PCDHGB1: variants seen among roughly 807,000 people sequenced by gnomAD.
PCDHGB1 encodes protocadherin gamma-B1.
A neutral mutation model predicts 56.6 loss-of-function variants in PCDHGB1; 34 were observed. The ratio of observed to expected loss-of-function variants is 0.60; its 90% CI spans 0.46 to 0.80. PCDHGB1 has a LOEUF of 0.80. PCDHGB1 is among the 30% of genes least tolerant of loss of function. PCDHGB1 has a pLI of 0.00. For synonymous variants in PCDHGB1, 561 were observed against 505.9 expected, an observed-to-expected ratio of 1.11 and a Z score of -1.46; for missense variants, 1,278 against 1,204.6, an observed-to-expected ratio of 1.06 and a Z score of -0.90.
chr5:141,371,918 C>T, intron 1 of PCDHGB1: 1 of 1,613,372 alleles, frequency 6.2e-7, no homozygotes, highest in African/African-American at 1.3e-5. Flanking sequence ...TGTCCGTGAG[C>T]GCGCGGAGCG....
At chr5:141,394,071 A>G (rs953618981) in intron 1 of PCDHGB1, 1 of 1,613,908 alleles carries the variant, frequency 6.2e-7, no homozygotes, top group Non-Finnish European at 8.5e-7. Context: ...TATCTACAAT[A>G]TCACAGTGAT....
At position 141,383,035 on chromosome 5, in the gene PCDHGB1, G is replaced by A. The variant is rs550075608; in HGVS notation, c.2409+30366G>A. ...GGAGACGGACAAAGGGTCCTTTGTG[G>A]GAGACATCGCCAAGGACCTGGGGCT... On this transcript the variant is annotated intron_variant, in intron 1 of 3. Coordinates refer to ENST00000523390, the MANE Select transcript of PCDHGB1 (RefSeq NM_018922.3). 3.1e-6 allele frequency: 5 copies of A among 1,613,882 alleles called. No individual in the cohort carries two copies. In the South Asian group the frequency reaches 5.5e-5, roughly 18 times the overall value.
rs561817609 is a variant in PCDHGB1, at chr5:141,496,904, G to A, written c.2468+2039G>A. Among the ~76,000 whole-genome samples, 12 of 137,476 alleles carry A rather than the reference G, an allele frequency of 8.7e-5. 1 individual carries two copies. The South Asian group carries it at 2.0e-3, about 23-fold the overall frequency. The allele number at this position is 137,476 out of a possible 152,430, so 90.2% of individuals were successfully genotyped here. On this transcript the variant is annotated intron_variant, in intron 2 of 3. Transcript: ENST00000523390. ...AGTAACACTTAAAAAAAAAAAAAAA[G>A]GCTGGGCACTGTGGTTCACGCCTGT...
intron 1 of PCDHGB1, chr5:141,378,136 CATT>C (rs1561579952): frequency 6.6e-6 from 1 of 152,158 alleles, no homozygotes; most frequent in Non-Finnish European, 1.5e-5. Context: ...TTGACATCAC[CATT>C]ATTATAATTA....
intron 1 of PCDHGB1, chr5:141,478,776 A>T: frequency 1.3e-6 from 2 of 1,488,808 alleles, no homozygotes; most frequent in Non-Finnish European, 1.8e-6. Context: ...TCATCTGTGG[A>T]CCTAATTCAC....
rs879045129 is a variant in PCDHGB1, at chr5:141,366,878, A to T, written c.2409+14209A>T. 2.5e-5 allele frequency: 33 copies of T among 1,341,426 alleles called. No homozygotes were observed. The South Asian group carries it at 4.2e-4, about 17-fold the overall frequency. The allele number at this position is 1,341,426 out of a possible 1,614,324, so 83.1% of individuals were successfully genotyped here. On this transcript the variant is annotated intron_variant, in intron 1 of 3. Transcript: ENST00000523390. Reference sequence around the variant, plus strand: ...ACATTATTTGCTGTATTGGAGATTAATTTTTTTTATATAATTCATGCTTTC... The same window carrying T: ...ACATTATTTGCTGTATTGGAGATTATTTTTTTTTATATAATTCATGCTTTC...
At chr5:141,467,987 A>G (rs888811899) in intron 1 of PCDHGB1, among the ~76,000 whole-genome samples, 10 of 152,216 alleles carry the variant, frequency 6.6e-5, no homozygotes, top group Non-Finnish European at 8.8e-5. Flanking sequence ...TCAGAAAACC[A>G]CAATTCTTTC....
At chr5:141,395,194 C>G in intron 1 of PCDHGB1, 1 of 1,613,922 alleles carries the variant, frequency 6.2e-7, no homozygotes, top group Non-Finnish European at 8.5e-7. Flanking sequence ...TTGTTAACAT[C>G]CGTAGATTTT....
chr5:141,422,916 C>T, intron 1 of PCDHGB1: 1 of 1,614,260 alleles, frequency 6.2e-7, no homozygotes, highest in Non-Finnish European at 8.5e-7. Context: ...CGCCCGAGAT[C>T]CTGTACCCTG....
At chr5:141,414,231 C>T (rs2095722548) in intron 1 of PCDHGB1, 1 of 1,613,304 alleles carries the variant, frequency 6.2e-7, no homozygotes, top group South Asian at 1.1e-5. Flanking sequence ...CAGAGCTGAC[C>T]ATCACGTCTC....
chr5:141,510,529 A>G (rs2099881539), intron 3 of PCDHGB1, among the ~76,000 whole-genome samples: 2 of 152,242 alleles, frequency 1.3e-5, no homozygotes, highest in Admixed American at 6.5e-5. Flanking sequence ...CCCTGAGAGA[A>G]ATACCAGCGA....
chr5:141,413,889 T>C (rs1394681178), intron 1 of PCDHGB1: 4 of 1,613,392 alleles, frequency 2.5e-6, no homozygotes, highest in Non-Finnish European at 3.4e-6. Flanking sequence ...CTGTCTTCGA[T>C]GCAAATGACA....
intron 1 of PCDHGB1, 125 bp downstream of exon 1, chr5:141,352,794 A>G (rs1759109837): frequency 1.0e-6 from 1 of 956,230 alleles, no homozygotes; most frequent in Non-Finnish European, 1.5e-6. Flanking sequence ...GTTTGAGACC[A>G]GCATAGCCAA....
In PCDHGB1 at chr5:141,491,129, C is replaced by T; in HGVS notation, c.2410-3678C>T. On this transcript the variant is annotated intron_variant, in intron 1 of 3. Transcript: ENST00000523390. This position sits in a 1 kb window ranked among gnomAD's most constrained non-coding sequence, Gnocchi z 6.9. Reference sequence around the variant, plus strand: ...TCTACACACACTGGTGAGGTGCGCACAGCCCGGGCCTTACTGGAGGATGAC... The same window carrying T: ...TCTACACACACTGGTGAGGTGCGCATAGCCCGGGCCTTACTGGAGGATGAC... 1.2e-6 allele frequency: 2 copies of T among 1,614,172 alleles called. No individual in the cohort carries two copies. The highest frequency in any genetic ancestry group is 1.7e-6 in the Non-Finnish European group (2 of 1,180,012).
chr5:141,373,190 A>G (rs746967409), intron 1 of PCDHGB1, among the ~76,000 whole-genome samples: 1 of 152,254 alleles, frequency 6.6e-6, no homozygotes, highest in Non-Finnish European at 1.5e-5. Flanking sequence ...ATGAAACATT[A>G]TGTATATCTT....
chr5:141,375,635 C>T (rs776372663), intron 1 of PCDHGB1: 4 of 1,614,096 alleles, frequency 2.5e-6, no homozygotes, highest in Non-Finnish European at 1.7e-6. Flanking sequence ...GTACGCCCTG[C>T]GCTCCTTCGA....
rs778586702 is a variant in PCDHGB1, at chr5:141,404,963, A to G, written c.2409+52294A>G. 8.7e-6 allele frequency: 14 copies of G among 1,613,744 alleles called. No homozygotes were observed. In the South Asian group the frequency reaches 1.5e-4, roughly 18 times the overall value. ...AGCCATAGCTGACAGCATCCCAGAC[A>G]TCCTGGCTGACCTGGGCAGTCTTCA... On this transcript the variant is annotated intron_variant, in intron 1 of 3. Transcript: ENST00000523390.
intron 1 of PCDHGB1, chr5:141,375,109 T>C (rs199796645): frequency 4.0e-5 from 65 of 1,613,834 alleles, no homozygotes; most frequent in Non-Finnish European, 5.3e-5. Flanking sequence ...ATGTCAATGA[T>C]AATGTACCAG....
At chr5:141,364,886 A>G (rs1181797677) in intron 1 of PCDHGB1, 2 of 1,614,024 alleles carry the variant, frequency 1.2e-6, no homozygotes. Context: ...GGTAAGCGGA[A>G]CTGATGGACA....
Sources: gnomAD v4.1 joint callset for allele counts (sites outside exome capture counted in the v4.1 genomes callset) on GRCh38, gnomAD v4.1.1 for gene constraint, Gnocchi (gnomAD v3.1) non-coding constraint, MANE v1.5 for transcripts, NCBI Gene and HGNC (gene_info 2026-07-23, HGNC 2026-07-21) for gene names.